Variants in NEUROD1 observed in about 807,000 individuals in gnomAD.
The protein encoded by NEUROD1 is neurogenic differentiation factor 1.
In NEUROD1, 9 loss-of-function variants were observed where a neutral mutation model predicts 21.8. The observed-to-expected ratio is 0.41, with a 90% CI of 0.25 to 0.72. NEUROD1 has a LOEUF of 0.72. Among genes scored for constraint, NEUROD1 ranks in the 30% least tolerant of loss-of-function variants. The pLI, the probability that NEUROD1 is intolerant of heterozygous loss-of-function variation, is 0.31. For missense variants in NEUROD1, 434 were observed against 468.8 expected, an observed-to-expected ratio of 0.93 and a Z score of 0.69; for synonymous variants, 199 against 186.2, an observed-to-expected ratio of 1.07 and a Z score of -0.56.
downstream of NEUROD1, among the ~76,000 whole-genome samples, chr2:181,675,343 T>C (rs1224907552): frequency 6.6e-6 from 1 of 152,232 alleles, no homozygotes; most frequent in Non-Finnish European, 1.5e-5. Context: ...GCAGCCTCAT[T>C]GGCAATGTTA....
downstream of NEUROD1, among the ~76,000 whole-genome samples, chr2:181,672,308 C>T (rs1688510056): frequency 6.6e-6 from 1 of 152,134 alleles, no homozygotes; most frequent in Non-Finnish European, 1.5e-5. Flanking sequence ...ACTTGCTGGA[C>T]TGAAAATAAT....
downstream of NEUROD1, among the ~76,000 whole-genome samples, chr2:181,672,686 T>C (rs1363431205): frequency 6.6e-6 from 1 of 152,132 alleles, no homozygotes; most frequent in Non-Finnish European, 1.5e-5. Flanking sequence ...GAAGTGGCAA[T>C]GAAAGAAAAA....
chr2:181,669,789 C>A (rs916378155), downstream of NEUROD1, among the ~76,000 whole-genome samples: 2 of 151,856 alleles, frequency 1.3e-5, no homozygotes, highest in Non-Finnish European at 2.9e-5. Flanking sequence ...GACAGATCCC[C>A]AGATCTACAT....
chr2:181,668,425 C>G (rs1009821397), downstream of NEUROD1, among the ~76,000 whole-genome samples: 4 of 152,064 alleles, frequency 2.6e-5, no homozygotes, highest in Non-Finnish European at 4.4e-5. Flanking sequence ...CTGGGACCCC[C>G]TATAGTTCTT....
chr2:181,673,702 T>A (rs1171572191), downstream of NEUROD1, among the ~76,000 whole-genome samples: 1 of 152,242 alleles, frequency 6.6e-6, no homozygotes, highest in African/African-American at 2.4e-5. Flanking sequence ...TTTTGAAACC[T>A]AGTTTTATTA....
At chr2:181,668,857 T>G (rs2105584961), downstream of NEUROD1, among the ~76,000 whole-genome samples, 1 of 152,310 alleles carries the variant, frequency 6.6e-6, no homozygotes, top group Non-Finnish European at 1.5e-5. Context: ...TTGATGAAAC[T>G]TTCTCTTTCT....
rs1321747110 is a variant in NEUROD1 at position 181,677,230 on chromosome 2, T to A, written c.*560A>T. The A allele has an allele frequency of 6.6e-6, 1 of 150,800 alleles. No homozygotes were observed. The highest frequency in any genetic ancestry group is 2.4e-5 in the African/African-American group (1 of 40,906). The allele number at this position is 150,800 out of a possible 1,614,324, so 9.3% of individuals were successfully genotyped here. On this transcript the variant is annotated 3_prime_UTR_variant, in exon 2 of 2. Coordinates refer to ENST00000295108, the MANE Select transcript of NEUROD1 (RefSeq NM_002500.5). ...CTGGTTTAAATTAGTTAAATTATTT[T>A]GTATAAATTAGATATAATTCTACTT...
Position 181,677,917 on chromosome 2 carries a change from C to A in NEUROD1, c.944G>T (p.Gly315Val), listed in dbSNP as rs1559135056. The A allele has an allele frequency of 1.2e-6, 2 of 1,614,156 alleles. No homozygotes were observed. Among genetic ancestry groups the A allele is most frequent in the Non-Finnish European group, 8.5e-7 (1 of 1,180,028 alleles). Residue 315 changes from glycine (G) to valine (V), a missense_variant, in exon 2 of 2, where the codon GGA (glycine) becomes GTA (valine). Gly to Val is a moderately radical substitution (Grantham distance 109). Coordinates refer to ENST00000295108, the MANE Select transcript of NEUROD1 (RefSeq NM_002500.5). ...AATLAGAQSH[G>V]SIFSGTAAPR... The stretch of plus-strand genomic sequence containing the variant: ...GGCAGCGGTGCCTGAGAAGATTGAT[C>A]CGTGGCTTTGGGCCCCTGCCAGTGT...
In NEUROD1 at chr2:181,677,813, G is replaced by C; in HGVS notation, c.1048C>G (p.Leu350Val). 6.2e-7 allele frequency: 1 copy of C among 1,614,132 alleles called. No homozygotes were observed. Among genetic ancestry groups the C allele is most frequent in the East Asian group, 2.2e-5 (1 of 44,878 alleles). The change falls in exon 2 of 2, where the codon CTC becomes GTC. Residue 350 changes from leucine (L) to valine (V), a missense_variant. Physicochemically the swap from Leu to Val is conservative, Grantham distance 32. Coordinates refer to ENST00000295108, the MANE Select transcript of NEUROD1 (RefSeq NM_002500.5). ...SHHERVMSAQ[L>V]NAIFHD Reference sequence around the variant, plus strand: ...CTCTAATCATGAAATATGGCATTGAGCTGGGCACTCATGACTCGCTCATGA... The same window carrying C: ...CTCTAATCATGAAATATGGCATTGACCTGGGCACTCATGACTCGCTCATGA...
rs759336066 is a variant in NEUROD1, at chr2:181,678,165, A to T, written c.696T>A (p.Gly232=). The part of the protein sequence containing the change: ...QSPGLPSPPY[G]TMDSSHVFHV... ...GGAAGACATGGGAGCTGTCCATGGTACCGTAAGGCGGACTGGGCAGCCCAG... is the reference window on the plus strand; with the variant it reads ...GGAAGACATGGGAGCTGTCCATGGTTCCGTAAGGCGGACTGGGCAGCCCAG... Residue 232 remains glycine, a synonymous_variant, in exon 2 of 2, where the codon GGT becomes GGA. Transcript: ENST00000295108. The surrounding 1 kb of genome is among the most constrained non-coding windows in gnomAD (Gnocchi z 5.5). 3 of 1,614,014 alleles carry T rather than the reference A, an allele frequency of 1.9e-6. No homozygotes were observed. The highest frequency in any genetic ancestry group is 2.5e-6 in the Non-Finnish European group (3 of 1,179,984).
intron 1 of NEUROD1, among the ~76,000 whole-genome samples, chr2:181,679,629 C>G (rs989148325): frequency 6.6e-6 from 1 of 152,238 alleles, no homozygotes; most frequent in Non-Finnish European, 1.5e-5. Context: ...CGCTCTCCCA[C>G]GCGCCGGGGA....
downstream of NEUROD1, among the ~76,000 whole-genome samples, chr2:181,672,754 G>A (rs1488545707): frequency 2.0e-5 from 3 of 152,200 alleles, no homozygotes; most frequent in South Asian, 4.1e-4. Flanking sequence ...ACTTCCTGAA[G>A]TTTCCCCATC....
downstream of NEUROD1, among the ~76,000 whole-genome samples, chr2:181,668,473 T>G (rs557280920): frequency 6.6e-6 from 1 of 152,268 alleles, no homozygotes; most frequent in Admixed American, 6.5e-5. Flanking sequence ...TGTAAAACCC[T>G]ATCTCATATA....
chr2:181,675,249 C>T (rs1219311692), downstream of NEUROD1, among the ~76,000 whole-genome samples: 1 of 152,164 alleles, frequency 6.6e-6, no homozygotes, highest in African/African-American at 2.4e-5. Context: ...TGATAGAAAA[C>T]ATGTTAAAAT....
At position 181,678,218 on chromosome 2, in the gene NEUROD1, G is replaced by C. The variant is rs770063497; in HGVS notation, c.643C>G (p.Pro215Ala). 6.2e-7 allele frequency: 1 copy of C among 1,614,192 alleles called. No individual in the cohort carries two copies. Among genetic ancestry groups the C allele is most frequent in the Non-Finnish European group, 8.5e-7 (1 of 1,180,028 alleles). The change falls in exon 2 of 2, where the codon CCT (proline) becomes GCT (alanine). Residue 215 changes from proline to alanine, a missense_variant. Pro to Ala is a conservative substitution (Grantham distance 27). Transcript: ENST00000295108. The surrounding 1 kb of genome is among the most constrained non-coding windows in gnomAD (Gnocchi z 5.5). ...PHLPTASASF[P>A]VHPYSYQSPG... is the part of the protein sequence containing the mutation. ...GACTGGTAGGAGTAGGGGTGTACAG[G>C]GAAGGAAGCGCTGGCCGTCGGCAGG...
At position 181,678,137 on chromosome 2, in the gene NEUROD1, C is replaced by A. The variant is rs786205158; in HGVS notation, c.724G>T (p.Val242Phe). The change falls in exon 2 of 2, where the codon GTT becomes TTT. Residue 242 changes from valine (V) to phenylalanine (F), a missense_variant. Val to Phe is a conservative substitution (Grantham distance 50). Coordinates refer to ENST00000295108, the MANE Select transcript of NEUROD1 (RefSeq NM_002500.5). The surrounding 1 kb of genome is among the most constrained non-coding windows in gnomAD (Gnocchi z 5.5). ...GTMDSSHVFH[V>F]KPPPHAYSAA... ...CTGTAGGCGTGCGGCGGAGGCTTAA[C>A]GTGGAAGACATGGGAGCTGTCCATG... 1.9e-6 allele frequency: 3 copies of A among 1,614,134 alleles called. No individual in the cohort carries two copies. The highest frequency in any genetic ancestry group is 2.5e-6 in the Non-Finnish European group (3 of 1,180,038).
chr2:181,673,428 C>T (rs1358960742), downstream of NEUROD1: 2 of 152,244 alleles, frequency 1.3e-5, no homozygotes, highest in Non-Finnish European at 2.9e-5. Context: ...ATGATTATGC[C>T]ACCATACAAA....
chr2:181,678,043 AG>A lies in NEUROD1; in HGVS notation c.817del (p.Leu273SerfsTer58), dbSNP rs1210389113. 1 of 1,614,048 alleles carries A rather than the reference AG, an allele frequency of 6.2e-7. No homozygotes were observed. The highest frequency in any genetic ancestry group is 8.5e-7 in the Non-Finnish European group (1 of 1,180,032). On this transcript the variant is annotated frameshift_variant, in exon 2 of 2. Transcript: ENST00000295108. LOFTEE classifies it high-confidence loss of function. This position sits in a 1 kb window ranked among gnomAD's most constrained non-coding sequence, Gnocchi z 5.5. Reference sequence around the variant, plus strand: ...GCCATTGATGCTGAGCGGCGGGCTGAGGGGTCCATCAAAGGAAGGGCTGGTG... The same window carrying A: ...GCCATTGATGCTGAGCGGCGGGCTGAGGGTCCATCAAAGGAAGGGCTGGTG... ...DCTSPSFDGP[L>X]SPPLSINGNF...
chr2:181,679,572 T>C (rs1408014223), intron 1 of NEUROD1, among the ~76,000 whole-genome samples: 1 of 152,246 alleles, frequency 6.6e-6, no homozygotes, highest in Non-Finnish European at 1.5e-5. Context: ...TTCCACCTTG[T>C]ACAAAAGCGC....
Sources: gnomAD v4.1 joint callset for allele counts (sites outside exome capture counted in the v4.1 genomes callset) on GRCh38, gnomAD v4.1.1 for gene constraint, Gnocchi (gnomAD v3.1) non-coding constraint, MANE v1.5 for transcripts, NCBI Gene and HGNC (gene_info 2026-07-23, HGNC 2026-07-21) for gene names.